The following SCFD2 variants were observed in gnomAD, a reference collection of about 807,000 sequenced individuals.
SCFD2 encodes the protein sec1 family domain containing 2.
A neutral mutation model predicts 58.9 loss-of-function variants in SCFD2; 54 were observed. That is an observed-to-expected ratio of 0.92 (90% confidence interval 0.74 to 1.15). The LOEUF (loss-of-function observed/expected upper bound fraction) is 1.15, where lower values mean the gene tolerates loss of function less well. Among genes scored for constraint, SCFD2 ranks in the 50% most tolerant of loss-of-function variants. The pLI, the probability that SCFD2 is intolerant of heterozygous loss-of-function variation, is 0.00. For missense variants in SCFD2, 805 were observed against 836.6 expected (o/e 0.96, Z 0.47); for synonymous variants, 321 against 335.9 (o/e 0.96, Z 0.49).
chr4:53,177,844 C>G (rs1331697410), intron 4 of SCFD2, among the ~76,000 whole-genome samples: 1 of 152,226 alleles, frequency 6.6e-6, no homozygotes, highest in African/African-American at 2.4e-5. Flanking sequence ...AATGGCACAC[C>G]AGGAGATTAT....
At chr4:53,117,736 C>T (rs189933378) in intron 5 of SCFD2, among the ~76,000 whole-genome samples, 17 of 152,284 alleles carry the variant, frequency 1.1e-4, no homozygotes, top group African/African-American at 3.4e-4. Flanking sequence ...AAGTCCCAAC[C>T]TTGGTTTATA....
intron 4 of SCFD2, among the ~76,000 whole-genome samples, chr4:53,241,531 C>T (rs1009669098): frequency 5.9e-5 from 9 of 152,188 alleles, no homozygotes; most frequent in Admixed American, 2.6e-4. Flanking sequence ...ACCTGACCAG[C>T]AGCGTGCTCC....
rs371135672 is a variant in SCFD2, at chr4:53,011,252, C to CT, written c.1562-90383dup. Among the ~76,000 whole-genome samples the CT allele has an allele frequency of 9.2e-5, 14 of 152,058 alleles. No individual in the cohort carries two copies. In the East Asian group the frequency reaches 1.2e-3, roughly 13 times the overall value. ...CCTTATGAATTTCACTGCATCTTTG[C>CT]TTTTTTTTCCCCCCCAAAGAAGTCA... On this transcript the variant is annotated intron_variant, in intron 5 of 8. Transcript: ENST00000401642.
chr4:53,059,476 C>G (rs899347613), intron 5 of SCFD2, among the ~76,000 whole-genome samples: 2 of 152,098 alleles, frequency 1.3e-5, no homozygotes, highest in Non-Finnish European at 2.9e-5. Flanking sequence ...GCCAAATAGC[C>G]CAGCCGGAAC....
At chr4:53,207,574 T>TTA (rs375890349) in intron 4 of SCFD2, among the ~76,000 whole-genome samples, 2 of 24,164 alleles carry the variant, frequency 8.3e-5, no homozygotes, top group Non-Finnish European at 2.0e-4. Context: ...TATATAATAT[T>TTA]TATATATATA....
intron 6 of SCFD2, among the ~76,000 whole-genome samples, chr4:52,918,747 C>T (rs1340457766): frequency 6.6e-6 from 1 of 151,996 alleles, no homozygotes; most frequent in Non-Finnish European, 1.5e-5. Flanking sequence ...CTACATGTCC[C>T]CTCACTGCCA....
At chr4:52,938,232 G>T (rs1720193626) in intron 5 of SCFD2, among the ~76,000 whole-genome samples, 1 of 152,158 alleles carries the variant, frequency 6.6e-6, no homozygotes, top group Non-Finnish European at 1.5e-5. Context: ...GTAGGTACTA[G>T]CATTATCCCC....
intron 5 of SCFD2, among the ~76,000 whole-genome samples, chr4:52,929,768 C>T (rs1719946745): frequency 6.6e-6 from 1 of 152,074 alleles, no homozygotes; most frequent in African/African-American, 2.4e-5. Flanking sequence ...AGCATTGCTA[C>T]AAAAAGAATA....
intron 7 of SCFD2, among the ~76,000 whole-genome samples, chr4:52,906,605 T>G (rs1719354295): frequency 6.6e-6 from 1 of 152,210 alleles, no homozygotes; most frequent in South Asian, 2.1e-4. Context: ...GCAGGTCCGC[T>G]CCAGCAGGCT....
intron 5 of SCFD2, among the ~76,000 whole-genome samples, chr4:53,046,244 G>A (rs1291974925): frequency 3.9e-5 from 6 of 152,114 alleles, no homozygotes; most frequent in Non-Finnish European, 8.8e-5. Flanking sequence ...TTTTAGAGAT[G>A]TGGTCTCATT....
chr4:52,967,817 C>A (rs1298610940), intron 5 of SCFD2, among the ~76,000 whole-genome samples: 2 of 152,158 alleles, frequency 1.3e-5, no homozygotes, highest in African/African-American at 2.4e-5. Flanking sequence ...GGCTCTGGAG[C>A]CTGTGTCTCA....
intron 2 of SCFD2, among the ~76,000 whole-genome samples, chr4:53,339,050 A>G (rs1304380823): frequency 1.3e-5 from 2 of 152,186 alleles, no homozygotes; most frequent in Non-Finnish European, 2.9e-5. Flanking sequence ...GAAAAAAAAG[A>G]AATCTTTAAA....
rs1281353470 is a variant in SCFD2, at chr4:53,365,207, G to A, written c.735C>T (p.Val245=). The change falls in exon 1 of 9, where the codon GTC becomes GTT. Residue 245 remains valine (V), a synonymous_variant. Transcript: ENST00000401642. This position sits in a 1 kb window ranked among gnomAD's most constrained non-coding sequence, Gnocchi z 4.3. ...CATAATTGGCCAGATCCGCAGCGAT[G>A]ACCTGACTTAAGGAACCTACAGCAA... ...ECFAVGSLSQ[V]IAADLANYAP... 1.2e-6 allele frequency: 2 copies of A among 1,614,120 alleles called. No individual in the cohort carries two copies. The highest frequency in any genetic ancestry group is 1.7e-6 in the Non-Finnish European group (2 of 1,180,034).
intron 2 of SCFD2, among the ~76,000 whole-genome samples, chr4:53,350,264 A>G (rs1334358293): frequency 2.0e-5 from 3 of 152,144 alleles, no homozygotes; most frequent in Non-Finnish European, 4.4e-5. Context: ...ACAGCTCCCA[A>G]CCCACACTGG....
intron 5 of SCFD2, among the ~76,000 whole-genome samples, chr4:53,017,497 TTAAAGTATTTGACCCAAC>T (rs1283952419): frequency 3.9e-5 from 6 of 152,244 alleles, no homozygotes; most frequent in African/African-American, 1.4e-4. Context: ...GGAAAACATC[TTAAAGTATTTGACCCAAC>T]TATGTTTTAT....
chr4:53,061,643 T>C (rs1419850811), intron 5 of SCFD2, among the ~76,000 whole-genome samples: 1 of 152,134 alleles, frequency 6.6e-6, no homozygotes, highest in Non-Finnish European at 1.5e-5. Context: ...CGAGTTCCTT[T>C]AGGGTAGAGT....
At chr4:53,236,638 T>G (rs895775994) in intron 4 of SCFD2, among the ~76,000 whole-genome samples, 2 of 150,464 alleles carry the variant, frequency 1.3e-5, no homozygotes, top group Non-Finnish European at 3.0e-5. Flanking sequence ...ATGAATAAAA[T>G]GTCTGGCATG....
chr4:53,177,950 G>A (rs1727395590), intron 4 of SCFD2, among the ~76,000 whole-genome samples: 1 of 152,212 alleles, frequency 6.6e-6, no homozygotes, highest in African/African-American at 2.4e-5. Flanking sequence ...CAGCAAGGCT[G>A]GGGGAGGGGC....
Position 52,965,726 on chromosome 4 carries a change from G to A in SCFD2, c.1562-44856C>T, listed in dbSNP as rs1468737336. Among the ~76,000 whole-genome samples, 10 of 152,256 alleles carry A rather than the reference G, an allele frequency of 6.6e-5. No homozygotes were observed. In the South Asian group the frequency reaches 1.2e-3, roughly 19 times the overall value. On this transcript the variant is annotated intron_variant, in intron 5 of 8. Coordinates refer to ENST00000401642, the MANE Select transcript of SCFD2 (RefSeq NM_152540.4). Reference sequence around the variant, plus strand: ...GAAAACAGCTCAGTACCATACATGTGACCAAAACCTGCCATGACTTGGTTT... The same window carrying A: ...GAAAACAGCTCAGTACCATACATGTAACCAAAACCTGCCATGACTTGGTTT...
Sources: gnomAD v4.1 joint callset for allele counts (sites outside exome capture counted in the v4.1 genomes callset) on GRCh38, gnomAD v4.1.1 for gene constraint, Gnocchi (gnomAD v3.1) non-coding constraint, MANE v1.5 for transcripts, NCBI Gene and HGNC (gene_info 2026-07-23, HGNC 2026-07-21) for gene names.